ANO3: variants seen among roughly 807,000 people sequenced by gnomAD.
The protein encoded by ANO3 is anoctamin 3.
ANO3 carries 99 observed loss-of-function variants against 144.8 expected under a neutral mutation model. The ratio of observed to expected loss-of-function variants is 0.68; its 90% CI spans 0.58 to 0.81. The LOEUF is 0.81. Among genes scored for constraint, ANO3 ranks in the 30% least tolerant of loss-of-function variants. The pLI is 0.00. For synonymous variants in ANO3, 414 were observed against 392.6 expected, an observed-to-expected ratio of 1.05 and a Z score of -0.64; for missense variants, 905 against 1,202.2, an observed-to-expected ratio of 0.75 and a Z score of 3.66.
At chr11:26,214,647 GA>G (rs1852001287) in intron 1 of ANO3, among the ~76,000 whole-genome samples, 2 of 151,770 alleles carry the variant, frequency 1.3e-5, no homozygotes, top group Non-Finnish European at 2.9e-5. Context: ...GAAAATTTCA[GA>G]AAATAGTACA....
intron 24 of ANO3, among the ~76,000 whole-genome samples, chr11:26,651,423 T>G (rs1189340517): frequency 6.6e-6 from 1 of 152,172 alleles, no homozygotes; most frequent in African/African-American, 2.4e-5. Context: ...CTACTTATTC[T>G]TCAACCAAAA....
At chr11:26,473,905 T>C (rs1402786346) in intron 4 of ANO3, 2 of 982,324 alleles carry the variant, frequency 2.0e-6, no homozygotes, top group Non-Finnish European at 2.4e-6. Context: ...TAAAAAAAAA[T>C]GATTATTCAA....
intron 5 of ANO3, chr11:26,508,710 G>T: frequency 6.4e-6 from 1 of 155,212 alleles, no homozygotes; most frequent in Admixed American, 6.5e-5. Flanking sequence ...AACAATAAAA[G>T]TAGCAAGACT....
intron 1 of ANO3, among the ~76,000 whole-genome samples, chr11:26,288,703 T>C (rs1428750920): frequency 6.6e-6 from 1 of 152,088 alleles, no homozygotes; most frequent in Non-Finnish European, 1.5e-5. Context: ...ATCTGTACCA[T>C]GCCTGAGAAA....
intron 1 of ANO3, among the ~76,000 whole-genome samples, chr11:26,191,834 C>A (rs573307935): frequency 6.6e-6 from 1 of 151,752 alleles, no homozygotes; most frequent in East Asian, 1.9e-4. Context: ...TTCCTGTTGC[C>A]GAACATCTGT....
chr11:26,202,289 A>AATATAGATACATATTATATATATC (rs1407929468), intron 1 of ANO3, among the ~76,000 whole-genome samples: 9 of 144,452 alleles, frequency 6.2e-5, no homozygotes, highest in Non-Finnish European at 1.2e-4. Flanking sequence ...TATTATATAT[A>AATATAGATACATATTATATATATC]ATATAGATAC....
chr11:26,209,825 T>C (rs906100327), intron 1 of ANO3, among the ~76,000 whole-genome samples: 5 of 143,384 alleles, frequency 3.5e-5, no homozygotes, highest in African/African-American at 1.2e-4. Context: ...TGCCCACTTT[T>C]GGATGGGGCT....
Position 26,624,486 on chromosome 11 carries a change from C to A in ANO3, c.1861C>A (p.Leu621Ile). 1 of 1,605,294 alleles carries A rather than the reference C, an allele frequency of 6.2e-7. No homozygotes were observed. Among genetic ancestry groups the A allele is most frequent in the African/African-American group, 1.3e-5 (1 of 74,848 alleles). Residue 621 changes from leucine to isoleucine, a missense_variant, in exon 18 of 27, where the codon CTC (leucine) becomes ATC (isoleucine). This residue lies in a region of ANO3 where 597 missense variants were observed against 865.1 expected (regional missense o/e 0.69). Coordinates refer to ENST00000256737, the MANE Select transcript of ANO3 (RefSeq NM_031418.4). Reference sequence around the variant, plus strand: ...GGCTTATGAAAAAATTGCTTACCTCCTCACCAATTTAGGTAAGTCCATTTT... The same window carrying A: ...GGCTTATGAAAAAATTGCTTACCTCATCACCAATTTAGGTAAGTCCATTTT... Reference protein sequence around the residue: ...NLAYEKIAYLLTNLEYPRTES... With the variant: ...NLAYEKIAYLITNLEYPRTES...
intron 14 of ANO3, among the ~76,000 whole-genome samples, chr11:26,583,847 C>T (rs1315155218): frequency 6.6e-6 from 1 of 151,882 alleles, no homozygotes; most frequent in Non-Finnish European, 1.5e-5. Flanking sequence ...TGAGTTGTTG[C>T]TCTGATAAAC....
chr11:26,525,748 T>C, intron 7 of ANO3, 69 bp downstream of exon 7: 3 of 1,199,894 alleles, frequency 2.5e-6, no homozygotes, highest in Non-Finnish European at 3.6e-6. Context: ...AGATATTTGA[T>C]TCCCCATATC....
intron 1 of ANO3, among the ~76,000 whole-genome samples, chr11:26,413,935 A>C (rs1268869639): frequency 6.6e-6 from 1 of 152,130 alleles, no homozygotes; most frequent in Non-Finnish European, 1.5e-5. Context: ...AAATTCTGAA[A>C]GAAAGACCTT....
At chr11:26,231,523 T>C (rs548890180) in intron 1 of ANO3, among the ~76,000 whole-genome samples, 1 of 152,180 alleles carries the variant, frequency 6.6e-6, no homozygotes, top group African/African-American at 2.4e-5. Context: ...CAGTCATTCA[T>C]CAATTAGCAG....
chr11:26,587,376 A>AC (rs1851316862), intron 14 of ANO3, among the ~76,000 whole-genome samples: 1 of 152,190 alleles, frequency 6.6e-6, no homozygotes, highest in African/African-American at 2.4e-5. Flanking sequence ...GAACCTTGAG[A>AC]TCACCTAAGC....
chr11:26,440,417 CAA>C (rs1858470657), intron 1 of ANO3, among the ~76,000 whole-genome samples: 1 of 151,740 alleles, frequency 6.6e-6, no homozygotes, highest in South Asian at 2.1e-4. Context: ...AAAAAATAAG[CAA>C]AAGAGTAGTG....
At chr11:26,345,351 T>G (rs1173438295) in intron 1 of ANO3, among the ~76,000 whole-genome samples, 1 of 152,140 alleles carries the variant, frequency 6.6e-6, no homozygotes, top group Non-Finnish European at 1.5e-5. Context: ...GGTCAGGAGT[T>G]CAAGACCAGC....
At chr11:26,332,435 C>A in intron 1 of ANO3, 114 bp downstream of exon 1, 35 of 866,934 alleles carry the variant, frequency 4.0e-5, no homozygotes, top group Non-Finnish European at 5.7e-5. Context: ...GTGGGGAACT[C>A]TGTGAAGTTA....
intron 1 of ANO3, among the ~76,000 whole-genome samples, chr11:26,199,469 C>G (rs1851651150): frequency 6.6e-6 from 1 of 152,040 alleles, no homozygotes; most frequent in Admixed American, 6.6e-5. Flanking sequence ...TCACGTGGGT[C>G]TTTTATGTTC....
intron 8 of ANO3, among the ~76,000 whole-genome samples, chr11:26,531,802 A>G (rs1328313713): frequency 6.6e-6 from 1 of 152,178 alleles, no homozygotes; most frequent in Non-Finnish European, 1.5e-5. Flanking sequence ...TAATTTTTAA[A>G]GAGATTTGTT....
intron 1 of ANO3, among the ~76,000 whole-genome samples, chr11:26,371,273 A>G (rs1160721352): frequency 6.6e-6 from 1 of 152,232 alleles, no homozygotes; most frequent in Non-Finnish European, 1.5e-5. Context: ...CAGCTGCCAC[A>G]TGGGGTTGGT....
Sources: allele counts gnomAD v4.1 joint callset (sites outside exome capture counted in the v4.1 genomes callset), GRCh38; gene constraint gnomAD v4.1.1; regional missense constraint gnomAD v4.1.1; transcripts MANE v1.5; gene names NCBI Gene and HGNC (gene_info 2026-07-23, HGNC 2026-07-21).